MDGA2: variants seen among roughly 807,000 people sequenced by gnomAD.
The protein encoded by MDGA2 is MAM domain-containing glycosylphosphatidylinositol anchor protein 2.
In MDGA2, 40 loss-of-function variants were observed where a neutral mutation model predicts 117.8. That is an observed-to-expected ratio of 0.34 (90% CI 0.26 to 0.44). The LOEUF is 0.44. Ranked by LOEUF, MDGA2 falls within the 20% of genes least tolerant of loss-of-function variation. The probability of loss-of-function intolerance (pLI) is 1.00; values close to 1 mark genes in which losing one functional copy is unlikely to be tolerated. For synonymous variants in MDGA2, 452 were observed against 439.0 expected, an observed-to-expected ratio of 1.03 and a Z score of -0.37; for missense variants, 1,123 against 1,250.6, an observed-to-expected ratio of 0.90 and a Z score of 1.54.
At chr14:47,562,336 TG>T (rs919605786) in intron 1 of MDGA2, among the ~76,000 whole-genome samples, 1 of 152,166 alleles carries the variant, frequency 6.6e-6, no homozygotes, top group African/African-American at 2.4e-5. Flanking sequence ...TGGCAGAATT[TG>T]GTTGTAAATC....
chr14:46,862,771 T>C (rs892107151), intron 14 of MDGA2, among the ~76,000 whole-genome samples: 4 of 152,164 alleles, frequency 2.6e-5, no homozygotes, highest in Non-Finnish European at 4.4e-5. Flanking sequence ...TCTATGTATA[T>C]TGATAGGTAA....
At chr14:47,672,231 C>G (rs767009176) in intron 1 of MDGA2, among the ~76,000 whole-genome samples, 1 of 152,168 alleles carries the variant, frequency 6.6e-6, no homozygotes, top group South Asian at 2.1e-4. Context: ...GCCAGGAATA[C>G]TGATTAATAT....
chr14:47,017,299 GAAA>G (rs751800979), intron 8 of MDGA2, among the ~76,000 whole-genome samples: 2 of 112,922 alleles, frequency 1.8e-5, no homozygotes. Context: ...GGCCCACATT[GAAA>G]AAAAAAAAAA....
At chr14:47,293,026 T>C (rs1267819970) in intron 2 of MDGA2, among the ~76,000 whole-genome samples, 1 of 152,126 alleles carries the variant, frequency 6.6e-6, no homozygotes, top group Non-Finnish European at 1.5e-5. Flanking sequence ...AGTCAGACCA[T>C]TGAGTTTAGA....
chr14:47,039,113 A>C (rs554277097), intron 7 of MDGA2, among the ~76,000 whole-genome samples: 60 of 152,164 alleles, frequency 3.9e-4, no homozygotes, highest in Non-Finnish European at 3.7e-4. Flanking sequence ...AACTCTCTTA[A>C]TTGTTCTTAT....
At chr14:47,426,007 T>G (rs1304551629) in intron 1 of MDGA2, among the ~76,000 whole-genome samples, 2 of 152,116 alleles carry the variant, frequency 1.3e-5, no homozygotes, top group African/African-American at 4.8e-5. Flanking sequence ...TCTTTGTGTC[T>G]TCTTTGTGTC....
At chr14:47,220,528 T>G (rs1285520400) in intron 2 of MDGA2, among the ~76,000 whole-genome samples, 4 of 152,162 alleles carry the variant, frequency 2.6e-5, no homozygotes, top group African/African-American at 9.7e-5. Flanking sequence ...ATTTGAACAG[T>G]GGGCCGATTT....
chr14:47,003,451 G>A (rs909880632), intron 8 of MDGA2, among the ~76,000 whole-genome samples: 4 of 151,636 alleles, frequency 2.6e-5, no homozygotes, highest in East Asian at 1.9e-4. Flanking sequence ...AAGTTCCATC[G>A]CCTATTCATA....
chr14:46,901,619 T>C (rs1883289433), intron 10 of MDGA2, among the ~76,000 whole-genome samples: 1 of 152,162 alleles, frequency 6.6e-6, no homozygotes, highest in Non-Finnish European at 1.5e-5. Context: ...ATGCAGAAAA[T>C]AAAATGAGAA....
intron 1 of MDGA2, among the ~76,000 whole-genome samples, chr14:47,571,538 A>G (rs1029844054): frequency 6.6e-6 from 1 of 152,168 alleles, no homozygotes; most frequent in African/African-American, 2.4e-5. Context: ...GATTAAGAAA[A>G]TGTGGCACAT....
chr14:47,412,824 G>A (rs1432633419), intron 1 of MDGA2, among the ~76,000 whole-genome samples: 1 of 152,178 alleles, frequency 6.6e-6, no homozygotes, highest in East Asian at 1.9e-4. Flanking sequence ...ATTTCAAGGT[G>A]AGAGTCTCAG....
chr14:47,328,896 A>T (rs1328916216), intron 1 of MDGA2, among the ~76,000 whole-genome samples: 2 of 152,114 alleles, frequency 1.3e-5, no homozygotes, highest in African/African-American at 4.8e-5. Context: ...TCCCCAAATA[A>T]AAAAGATAAG....
chr14:47,209,662 G>A (rs1885812628), intron 3 of MDGA2, among the ~76,000 whole-genome samples: 1 of 152,116 alleles, frequency 6.6e-6, no homozygotes, highest in Non-Finnish European at 1.5e-5. Context: ...TCTTTTATTA[G>A]GAACTCTAAT....
chr14:47,570,071 T>A (rs969296316), intron 1 of MDGA2, among the ~76,000 whole-genome samples: 2 of 152,218 alleles, frequency 1.3e-5, no homozygotes, highest in Admixed American at 1.3e-4. Flanking sequence ...AAGGAAAAGG[T>A]TTTTTTTAAA....
intron 8 of MDGA2, chr14:46,960,535 G>C (rs1263074772): frequency 6.6e-6 from 1 of 151,996 alleles, no homozygotes; most frequent in African/African-American, 2.4e-5. Context: ...GTTTTCCTAA[G>C]GAGATCCAAG....
At chr14:47,571,763 C>CGGGGGGGGGGGGG (rs1566521355) in intron 1 of MDGA2, among the ~76,000 whole-genome samples, 1 of 140,886 alleles carries the variant, frequency 7.1e-6, no homozygotes. Context: ...GGGGGGCGGT[C>CGGGGGGGGGGGGG]GGGGGATAGG....
chr14:47,587,577 C>T (rs1298434509), intron 1 of MDGA2, among the ~76,000 whole-genome samples: 1 of 151,790 alleles, frequency 6.6e-6, no homozygotes, highest in Admixed American at 6.6e-5. Context: ...GATATCTCTT[C>T]TATAAAGAAG....
chr14:47,527,546 C>A (rs564428507), intron 1 of MDGA2, among the ~76,000 whole-genome samples: 2 of 152,196 alleles, frequency 1.3e-5, no homozygotes, highest in Admixed American at 6.5e-5. Context: ...AAACTGAGGG[C>A]AGAACCTTGG....
At chr14:47,607,639 T>C (rs966629412) in intron 1 of MDGA2, among the ~76,000 whole-genome samples, 15 of 152,018 alleles carry the variant, frequency 9.9e-5, no homozygotes, top group African/African-American at 3.6e-4. Flanking sequence ...GGTTAGAGGG[T>C]CCTTGCAAGC....
Sources: allele counts gnomAD v4.1 joint callset (sites outside exome capture counted in the v4.1 genomes callset), GRCh38; gene constraint gnomAD v4.1.1; transcripts MANE v1.5; gene names NCBI Gene and HGNC (gene_info 2026-07-23, HGNC 2026-07-21).